Variants in ATG14 observed in about 807,000 individuals in gnomAD.
ATG14 encodes the protein autophagy related 14, also known as beclin 1-associated autophagy-related key regulator.
In ATG14, 35 loss-of-function variants were observed where a neutral mutation model predicts 60.4. The observed-to-expected ratio is 0.58, with a 90% confidence interval of 0.44 to 0.77. The LOEUF is 0.77. Among genes scored for constraint, ATG14 ranks in the 30% least tolerant of loss-of-function variants. The pLI is 0.00. For missense variants in ATG14, 647 were observed against 626.3 expected (o/e 1.03, Z -0.35); for synonymous variants, 234 against 228.8 (o/e 1.02, Z -0.21).
intron 1 of ATG14, among the ~76,000 whole-genome samples, chr14:55,402,951 ATATATATATATATATAT>A (rs1566585720): frequency 8.8e-5 from 7 of 79,462 alleles, no homozygotes; most frequent in South Asian, 4.6e-4. Flanking sequence ...ATATATATAT[ATATATATATATATATAT>A]AAATAGCTGG....
At chr14:55,391,096 A>T in intron 3 of ATG14, 104 bp from the exon 4 acceptor site, 1 of 740,434 alleles carries the variant, frequency 1.4e-6, no homozygotes, top group East Asian at 2.9e-5. Flanking sequence ...AGAAAACATA[A>T]TGAAGAAAAA....
At chr14:55,399,599 T>G (rs1885366554) in intron 1 of ATG14, among the ~76,000 whole-genome samples, 1 of 152,254 alleles carries the variant, frequency 6.6e-6, no homozygotes, top group Non-Finnish European at 1.5e-5. Flanking sequence ...CTGTGAATTC[T>G]TGGACCTATC....
intron 5 of ATG14, among the ~76,000 whole-genome samples, chr14:55,385,029 A>C (rs1885099855): frequency 1.3e-5 from 2 of 152,206 alleles, no homozygotes; most frequent in African/African-American, 4.8e-5. Context: ...CTAAGACCGA[A>C]GTCACGGTAT....
intron 3 of ATG14, among the ~76,000 whole-genome samples, chr14:55,393,132 A>G (rs926454802): frequency 1.9e-4 from 29 of 152,214 alleles, no homozygotes; most frequent in Non-Finnish European, 3.2e-4. Flanking sequence ...CTGTAATCCC[A>G]GCACTTTGGG....
intron 9 of ATG14, 47 bp from the exon 10 acceptor site, chr14:55,369,972 A>T (rs772478901): frequency 1.3e-5 from 20 of 1,514,938 alleles, no homozygotes; most frequent in Non-Finnish European, 1.8e-5. Flanking sequence ...ACCATTCTCA[A>T]CACCAGAAAA....
chr14:55,380,781 G>A, intron 6 of ATG14, 91 bp from the exon 7 acceptor site: 1 of 796,606 alleles, frequency 1.3e-6, no homozygotes, highest in Non-Finnish European at 2.0e-6. Flanking sequence ...ATTTTATCAT[G>A]ATAGCACTGT....
At chr14:55,395,161 A>G in intron 3 of ATG14, 2 of 463,004 alleles carry the variant, frequency 4.3e-6, no homozygotes, top group Admixed American at 2.4e-5. Flanking sequence ...GGTTCAGCTG[A>G]TAAGCGTGCC....
intron 9 of ATG14, among the ~76,000 whole-genome samples, chr14:55,374,328 TCTGA>T (rs1327534928): frequency 1.3e-5 from 2 of 152,220 alleles, no homozygotes; most frequent in Non-Finnish European, 2.9e-5. Flanking sequence ...GCTCAAGTGA[TCTGA>T]CTACTTACAT....
intron 4 of ATG14, 61 bp from the exon 5 acceptor site, chr14:55,386,157 G>A: frequency 7.3e-7 from 1 of 1,367,508 alleles, no homozygotes; most frequent in Non-Finnish European, 1.0e-6. Flanking sequence ...GTACTGCAGA[G>A]CTCCACCCCA....
chr14:55,393,235 C>CTTAG (rs1885252529), intron 3 of ATG14, among the ~76,000 whole-genome samples: 2 of 151,500 alleles, frequency 1.3e-5, no homozygotes, highest in African/African-American at 4.8e-5. Context: ...CACAAAAAAA[C>CTTAG]TTAGCCGGGC....
intron 1 of ATG14, among the ~76,000 whole-genome samples, chr14:55,409,084 A>T (rs1048209183): frequency 2.0e-5 from 3 of 152,234 alleles, no homozygotes; most frequent in Non-Finnish European, 4.4e-5. Context: ...GGAGATCACT[A>T]CGTAGTCAGG....
At chr14:55,391,969 G>C (rs1885225632) in intron 3 of ATG14, among the ~76,000 whole-genome samples, 1 of 152,162 alleles carries the variant, frequency 6.6e-6, no homozygotes, top group African/African-American at 2.4e-5. Context: ...TATATTACCA[G>C]GAGTTAGGTT....
At chr14:55,388,643 T>C (rs1885163909) in intron 4 of ATG14, among the ~76,000 whole-genome samples, 1 of 152,266 alleles carries the variant, frequency 6.6e-6, no homozygotes, top group African/African-American at 2.4e-5. Flanking sequence ...CATCAGTCTC[T>C]ACAATTTATA....
At chr14:55,401,815 C>T (rs1885404314) in intron 1 of ATG14, among the ~76,000 whole-genome samples, 1 of 152,164 alleles carries the variant, frequency 6.6e-6, no homozygotes, top group Non-Finnish European at 1.5e-5. Context: ...CCCAGGAGCG[C>T]TGCCTGTCCA....
rs369434137 is a variant in ATG14, at chr14:55,397,408, C to T, written c.248G>A (p.Ser83Asn). 1.1e-5 allele frequency: 18 copies of T among 1,613,418 alleles called. No homozygotes were observed. In the African/African-American group the frequency reaches 2.4e-4, roughly 22 times the overall value. Reference sequence around the variant, plus strand: ...TTCTTCTTGCTTGCTCTTAAGTCGGCTTAACCTTTCCTTCTTGTCGATAAA... The same window carrying T: ...TTCTTCTTGCTTGCTCTTAAGTCGGTTTAACCTTTCCTTCTTGTCGATAAA... ...ERFIDKKERLSRLKSKQEEFQ... is the reference protein window; with the variant it reads ...ERFIDKKERLNRLKSKQEEFQ... Residue 83 changes from serine to asparagine, a missense_variant, in exon 2 of 10, where the codon AGC becomes AAC. Physicochemically the swap from Ser to Asn is conservative, Grantham distance 46. Coordinates refer to ENST00000247178, the MANE Select transcript of ATG14 (RefSeq NM_014924.5).
chr14:55,369,939 A>G lies in ATG14; in HGVS notation c.1173-14T>C. The G allele has an allele frequency of 6.3e-7, 1 of 1,579,430 alleles. No homozygotes were observed. The highest frequency in any genetic ancestry group is 8.6e-7 in the Non-Finnish European group (1 of 1,160,422). ...AAGGGCCCTGACCTGTGTGCAGACA[A>G]TGAGGGTCTCTTTAGGATAACAACC... On this transcript the variant is annotated splice_polypyrimidine_tract_variant and intron_variant, in intron 9 of 9. Transcript: ENST00000247178.
rs1193017846 is a variant in ATG14, at chr14:55,369,851, G to T, written c.1247C>A (p.Ser416Ter). The T allele has an allele frequency of 6.2e-7, 1 of 1,614,142 alleles. No homozygotes were observed. Among genetic ancestry groups the T allele is most frequent in the African/African-American group, 1.3e-5 (1 of 75,042 alleles). The part of the protein sequence containing the change: ...EFVDPGVAGE[S>*]DESGDERVSD... ...GACGCGCTCATCTCCGCTCTCATCT[G>T]ATTCTCCAGCAACTCCGGGATCCAC... The change falls in exon 10 of 10, where the codon TCA becomes TAA. Residue 416 changes from serine to a stop codon, truncating the protein, a stop_gained. Transcript: ENST00000247178. LOFTEE classifies it high-confidence loss of function.
intron 4 of ATG14, among the ~76,000 whole-genome samples, chr14:55,389,309 G>C (rs578205458): frequency 5.4e-4 from 82 of 152,074 alleles, no homozygotes; most frequent in Admixed American, 1.1e-3. Context: ...GGGAGAGCAT[G>C]AACTAATGTT....
intron 3 of ATG14, among the ~76,000 whole-genome samples, chr14:55,392,724 G>A (rs982843371): frequency 4.0e-5 from 6 of 151,608 alleles, no homozygotes; most frequent in Non-Finnish European, 8.8e-5. Context: ...TCCGTAAAGT[G>A]AATAATTAAA....
Sources: allele counts gnomAD v4.1 joint callset (sites outside exome capture counted in the v4.1 genomes callset), GRCh38; gene constraint gnomAD v4.1.1; transcripts MANE v1.5; gene names NCBI Gene and HGNC (gene_info 2026-07-23, HGNC 2026-07-21).